Variants in FKBP1A observed in about 807,000 individuals in gnomAD.
The protein encoded by FKBP1A is FKBP prolyl isomerase 1A.
In FKBP1A, 5 loss-of-function variants were observed where a neutral mutation model predicts 14.2. The ratio of observed to expected loss-of-function variants is 0.35; its 90% CI spans 0.18 to 0.74. The LOEUF (loss-of-function observed/expected upper bound fraction) is 0.74. Ranked by LOEUF, FKBP1A falls within the 30% of genes least tolerant of loss-of-function variation. The pLI is 0.56. For missense variants in FKBP1A, 53 were observed against 138.8 expected (o/e 0.38, Z 3.10); for synonymous variants, 42 against 49.1 (o/e 0.86, Z 0.60).
rs2089668988 is a variant in FKBP1A, at chr20:1,386,349, T to C, written c.85+6485A>G. On this transcript the variant is annotated intron_variant, in intron 2 of 4. Coordinates refer to ENST00000400137, the MANE Select transcript of FKBP1A (RefSeq NM_000801.5). This position sits in a 1 kb window ranked among gnomAD's most constrained non-coding sequence, Gnocchi z 4.7. ...TTTGCCCAGCTCCTTATATATTCAC[T>C]GAGTGACCGAGGGAATGCCAGGTCC... 6.6e-6 allele frequency among the ~76,000 whole-genome samples: 1 copy of C among 152,248 alleles called. No homozygotes were observed. The highest frequency in any genetic ancestry group is 2.1e-4 in the South Asian group (1 of 4,836).
chr20:1,373,000 T>C (rs2089489301), intron 3 of FKBP1A: 2 of 152,266 alleles, frequency 1.3e-5, no homozygotes, highest in Admixed American at 1.3e-4. Flanking sequence ...GAGCAGGTTC[T>C]CTGCAGTATT....
chr20:1,392,877 G>C lies in FKBP1A; in HGVS notation c.42C>G (p.Arg14=). Residue 14 remains arginine, a synonymous_variant, in exon 2 of 5, where the codon CGC becomes CGG. Coordinates refer to ENST00000400137, the MANE Select transcript of FKBP1A (RefSeq NM_000801.5). The part of the protein sequence containing the change: ...QVETISPGDG[R]TFPKRGQTCV... The stretch of plus-strand genomic sequence containing the variant: ...AGGTCTGGCCGCGCTTGGGGAAGGT[G>C]CGCCCTGAGGAGACAGAGACGGGCA... The C allele has an allele frequency of 2.0e-6, 3 of 1,534,270 alleles. No individual in the cohort carries two copies. Among genetic ancestry groups the C allele is most frequent in the Non-Finnish European group, 2.6e-6 (3 of 1,139,900 alleles).
intron 4 of FKBP1A, chr20:1,371,094 T>C: frequency 1.0e-6 from 1 of 985,434 alleles, no homozygotes; most frequent in Non-Finnish European, 1.2e-6. Flanking sequence ...CCATTTGTTG[T>C]GGCTTTCAAA....
In FKBP1A at chr20:1,387,474, TAGAG is replaced by T. The variant is rs999282411; in HGVS notation, c.85+5356_85+5359del. ...CAGCCCACAGTACAGTCAAAGCAAA[TAGAG>T]GGGGAAAAAGTCACTTGCCCCCACT... On this transcript the variant is annotated intron_variant, in intron 2 of 4. Transcript: ENST00000400137. 9.9e-5 allele frequency among the ~76,000 whole-genome samples: 15 copies of T among 152,080 alleles called. 1 individual carries two copies. Among genetic ancestry groups the T allele is most frequent in the African/African-American group, 2.4e-4 (10 of 41,420 alleles).
chr20:1,370,156 C>T lies in FKBP1A; in HGVS notation c.*37-84G>A, dbSNP rs1195013461. The T allele has an allele frequency of 2.1e-5, 32 of 1,511,720 alleles. 1 individual carries two copies. Among genetic ancestry groups the T allele is most frequent in the Middle Eastern group, 1.7e-4 (1 of 5,830 alleles). The allele number at this position is 1,511,720 out of a possible 1,614,324, so 93.6% of individuals were successfully genotyped here. A position where few individuals can be genotyped will look rare whatever the true frequency, so the allele number is the denominator to read the frequency against. On this transcript the variant is annotated intron_variant, in intron 4 of 4. Transcript: ENST00000400137. ...GCGACAGCCACGATGCCATCTGCCACGCCAAATCCCTTCCCCAACAGCTGA... is the reference window on the plus strand; with the variant it reads ...GCGACAGCCACGATGCCATCTGCCATGCCAAATCCCTTCCCCAACAGCTGA...
rs1248414429 is a variant in FKBP1A at position 1,375,619 on chromosome 20, C to A, written c.86-16G>T. The stretch of plus-strand genomic sequence containing the variant: ...TCAAGCATCCCTGTGAAAAAGACGA[C>A]TGTAACATGAGCAGCAGAGTAATGA... On this transcript the variant is annotated splice_polypyrimidine_tract_variant and intron_variant, in intron 2 of 4. Coordinates refer to ENST00000400137, the MANE Select transcript of FKBP1A (RefSeq NM_000801.5). 1 of 1,534,380 alleles carries A rather than the reference C, an allele frequency of 6.5e-7. No individual in the cohort carries two copies. The highest frequency in any genetic ancestry group is 1.7e-5 in the Admixed American group (1 of 59,888).
intron 3 of FKBP1A, chr20:1,373,028 C>T (rs1050599626): frequency 2.0e-5 from 3 of 152,240 alleles, no homozygotes; most frequent in African/African-American, 4.8e-5. Flanking sequence ...TTTGACTTAT[C>T]TCTGCTTTTG....
rs1348982068 is a variant in FKBP1A, at chr20:1,379,773, TC to T, written c.86-4171del. On this transcript the variant is annotated intron_variant, in intron 2 of 4. Transcript: ENST00000400137. This position sits in a 1 kb window ranked among gnomAD's most constrained non-coding sequence, Gnocchi z 4.3. The stretch of plus-strand genomic sequence containing the variant: ...ATCGAGTCCGAAAGCTAAACAATAA[TC>T]CCCCGAAATGGGTGGGGTGGTATGT... Among the ~76,000 whole-genome samples the T allele has an allele frequency of 6.6e-6, 1 of 151,854 alleles. No individual in the cohort carries two copies. Among genetic ancestry groups the T allele is most frequent in the African/African-American group, 2.4e-5 (1 of 41,314 alleles).
intron 2 of FKBP1A, among the ~76,000 whole-genome samples, chr20:1,390,664 C>T (rs2089724777): frequency 6.6e-6 from 1 of 152,138 alleles, no homozygotes; most frequent in African/African-American, 2.4e-5. Flanking sequence ...TTAACTGCTA[C>T]AGATGAGATC....
chr20:1,385,041 C>G (rs764166582), intron 2 of FKBP1A, among the ~76,000 whole-genome samples: 1 of 152,148 alleles, frequency 6.6e-6, no homozygotes, highest in Non-Finnish European at 1.5e-5. Flanking sequence ...ACTTTAATCA[C>G]AGTATAAATA....
intron 4 of FKBP1A, chr20:1,370,961 G>C (rs2089455817): frequency 1.0e-6 from 1 of 985,448 alleles, no homozygotes; most frequent in African/African-American, 1.7e-5. Context: ...AACTTAACCA[G>C]GCCTGTATTA....
chr20:1,387,353 C>T (rs1021988353), intron 2 of FKBP1A, among the ~76,000 whole-genome samples: 2 of 151,804 alleles, frequency 1.3e-5, no homozygotes, highest in African/African-American at 2.4e-5. Flanking sequence ...GGTACTGGAG[C>T]CAGCTTAAAG....
At chr20:1,389,508 G>A (rs1184810361) in intron 2 of FKBP1A, among the ~76,000 whole-genome samples, 1 of 152,166 alleles carries the variant, frequency 6.6e-6, no homozygotes, top group African/African-American at 2.4e-5. Flanking sequence ...GGAGGCTGCA[G>A]CAAAGTGGCC....
intron 3 of FKBP1A, chr20:1,373,182 T>C (rs1277236418): frequency 6.6e-6 from 1 of 152,246 alleles, no homozygotes; most frequent in Non-Finnish European, 1.5e-5. Flanking sequence ...TAGTGAGGTA[T>C]GGCTTTACCT....
intron 2 of FKBP1A, chr20:1,377,251 C>T (rs2122675099): frequency 6.6e-6 from 1 of 152,312 alleles, no homozygotes; most frequent in East Asian, 1.9e-4. Context: ...AGTGTTATCA[C>T]AGCTACTGGA....
At chr20:1,370,668 G>A in intron 4 of FKBP1A, 5 of 985,410 alleles carry the variant, frequency 5.1e-6, no homozygotes, top group Non-Finnish European at 6.0e-6. Flanking sequence ...AAGAAGCTGA[G>A]ACATTCTTTG....
intron 2 of FKBP1A, among the ~76,000 whole-genome samples, chr20:1,385,848 A>G (rs1341678120): frequency 6.6e-6 from 1 of 152,234 alleles, no homozygotes; most frequent in East Asian, 1.9e-4. Flanking sequence ...AAACAGTCAC[A>G]TAGGTTACAT....
Position 1,386,576 on chromosome 20 carries a change from G to A in FKBP1A, c.85+6258C>T, listed in dbSNP as rs2089671341. ...TGGGTGCATTGTTGCAGAATTAGAA[G>A]CATGCATGTATGCATCCAAAGTGTT... On this transcript the variant is annotated intron_variant, in intron 2 of 4. Transcript: ENST00000400137. The surrounding 1 kb of genome is among the most constrained non-coding windows in gnomAD (Gnocchi z 4.7). Among the ~76,000 whole-genome samples, 1 of 152,206 alleles carries A rather than the reference G, an allele frequency of 6.6e-6. No individual in the cohort carries two copies. Among genetic ancestry groups the A allele is most frequent in the Non-Finnish European group, 1.5e-5 (1 of 68,046 alleles).
intron 3 of FKBP1A, among the ~76,000 whole-genome samples, chr20:1,372,487 G>A (rs141674806): frequency 4.6e-5 from 7 of 152,146 alleles, no homozygotes; most frequent in Admixed American, 6.5e-5. Context: ...CTCTCAGAAC[G>A]GTCAGGCCCT....
Sources: gnomAD v4.1 joint callset for allele counts (sites outside exome capture counted in the v4.1 genomes callset) on GRCh38, gnomAD v4.1.1 for gene constraint, Gnocchi (gnomAD v3.1) non-coding constraint, MANE v1.5 for transcripts, NCBI Gene and HGNC (gene_info 2026-07-23, HGNC 2026-07-21) for gene names.